LAMA1: variants seen among roughly 807,000 people sequenced by gnomAD.
LAMA1 encodes the protein laminin subunit alpha-1.
A neutral mutation model predicts 348.7 loss-of-function variants in LAMA1; 219 were observed. The ratio of observed to expected loss-of-function variants is 0.63; its 90% CI spans 0.56 to 0.70. The LOEUF is 0.70. LAMA1 is among the 30% of genes least tolerant of loss of function. LAMA1 has a pLI of 0.00. For missense variants in LAMA1, 3,744 were observed against 3,888.0 expected (o/e 0.96, Z 0.99); for synonymous variants, 1,487 against 1,491.0 (o/e 1.00, Z 0.06).
chr18:7,044,592 A>G (rs2058034264), intron 7 of LAMA1, 130 bp downstream of exon 7: 3 of 813,414 alleles, frequency 3.7e-6, no homozygotes, highest in Non-Finnish European at 6.6e-6. Context: ...GGTCATCTGC[A>G]GCTTTGGAAA....
At chr18:7,072,897 A>C (rs748021) in intron 3 of LAMA1, among the ~76,000 whole-genome samples, 20,748 of 151,948 alleles carry the variant, frequency 0.14, 4,662 homozygotes, top group African/African-American at 0.47. Flanking sequence ...GACTTCTCCC[A>C]TGTCTACTTC....
intron 22 of LAMA1, 113 bp downstream of exon 22, chr18:7,015,609 T>A: frequency 8.2e-7 from 1 of 1,223,010 alleles, no homozygotes; most frequent in Non-Finnish European, 1.2e-6. Context: ...TTTTTTAAAT[T>A]CACAAAGCTA....
chr18:6,956,263 C>T (rs2057576977), intron 56 of LAMA1: 1 of 311,318 alleles, frequency 3.2e-6, no homozygotes, highest in Admixed American at 4.5e-5. Flanking sequence ...TGAATTGAAT[C>T]TTTTTTTTTT....
intron 48 of LAMA1, among the ~76,000 whole-genome samples, chr18:6,968,421 C>A (rs2035159602): frequency 6.6e-6 from 1 of 152,172 alleles, no homozygotes; most frequent in South Asian, 2.1e-4. Flanking sequence ...GGCCCCTTGC[C>A]ACAGCCCATG....
rs150101130 is a variant in LAMA1, at chr18:7,100,887, G to A, written c.61+16773C>T. Among the ~76,000 whole-genome samples, 47 of 152,266 alleles carry A rather than the reference G, an allele frequency of 3.1e-4. No individual in the cohort carries two copies. In the East Asian group the frequency reaches 7.9e-3, roughly 26 times the overall value. On this transcript the variant is annotated intron_variant, in intron 1 of 62. Coordinates refer to ENST00000389658, the MANE Select transcript of LAMA1 (RefSeq NM_005559.4). ...TAGCCAGGGGTGGTGGCAGGTGCCT[G>A]TAATCCCAGCTACTCGGGAGTCTGA...
chr18:6,951,936 G>A (rs77509931), intron 57 of LAMA1, among the ~76,000 whole-genome samples: 2,724 of 152,306 alleles, frequency 0.018, 81 homozygotes, highest in African/African-American at 0.061. Flanking sequence ...GGAAGCCTGC[G>A]AATTCCATTC....
At position 6,977,719 on chromosome 18, in the gene LAMA1, A is replaced by C; in HGVS notation, c.6345+8T>G. 6.2e-7 allele frequency: 1 copy of C among 1,614,014 alleles called. No individual in the cohort carries two copies. The highest frequency in any genetic ancestry group is 8.5e-7 in the Non-Finnish European group (1 of 1,179,934). ...CCAGTTACGAAAGCCACGGGGCCCCAAACTCACAGAAGCTGCTTGTTTGCG... is the reference window on the plus strand; with the variant it reads ...CCAGTTACGAAAGCCACGGGGCCCCCAACTCACAGAAGCTGCTTGTTTGCG... On this transcript the variant is annotated splice_region_variant and intron_variant, in intron 44 of 62. Transcript: ENST00000389658.
chr18:6,981,175 T>G (rs1345271334), intron 41 of LAMA1, among the ~76,000 whole-genome samples: 2 of 152,200 alleles, frequency 1.3e-5, no homozygotes, highest in Non-Finnish European at 2.9e-5. Context: ...GCTTGTTGAC[T>G]TTTTCACTAA....
At chr18:7,084,073 A>AG (rs1491579216) in intron 1 of LAMA1, among the ~76,000 whole-genome samples, 6 of 101,582 alleles carry the variant, frequency 5.9e-5, no homozygotes, top group Admixed American at 1.1e-4. Context: ...ATTCTGTCTC[A>AG]GAAAAAAAAA....
At chr18:7,015,621 T>A (rs1600395007) in intron 22 of LAMA1, 101 bp downstream of exon 22, 1 of 1,369,370 alleles carries the variant, frequency 7.3e-7, no homozygotes, top group East Asian at 2.3e-5. Context: ...ACAAAGCTAT[T>A]CAACAGATTA....
chr18:6,979,490 A>T (rs1239400817), intron 42 of LAMA1, among the ~76,000 whole-genome samples: 1 of 152,246 alleles, frequency 6.6e-6, no homozygotes, highest in Non-Finnish European at 1.5e-5. Flanking sequence ...CAACATAGCA[A>T]GACACGGTCT....
intron 55 of LAMA1, among the ~76,000 whole-genome samples, chr18:6,958,175 A>G (rs1304735874): frequency 6.6e-6 from 1 of 152,152 alleles, no homozygotes; most frequent in East Asian, 1.9e-4. Context: ...ACATCACAAA[A>G]TCCCTATGTT....
chr18:6,979,422 C>G (rs987084308), intron 42 of LAMA1, among the ~76,000 whole-genome samples: 1 of 152,174 alleles, frequency 6.6e-6, no homozygotes, highest in Non-Finnish European at 1.5e-5. Context: ...AATCCCAGAA[C>G]TTTGGGAGAC....
intron 41 of LAMA1, 21 bp downstream of exon 41, chr18:6,982,476 C>A: frequency 1.2e-6 from 2 of 1,607,394 alleles, no homozygotes; most frequent in Non-Finnish European, 1.7e-6. Context: ...CCTGTCTACA[C>A]CGTCCGAGCC....
chr18:7,002,342 G>A lies in LAMA1; in HGVS notation c.4304C>T (p.Thr1435Ile). 2 of 1,613,826 alleles carry A rather than the reference G, an allele frequency of 1.2e-6. No individual in the cohort carries two copies. Among genetic ancestry groups the A allele is most frequent in the Admixed American group, 1.7e-5 (1 of 60,024 alleles). ...NTAGDHCDVCTSGYYGKVTGS... is the reference protein window; with the variant it reads ...NTAGDHCDVCISGYYGKVTGS... ...AGTCACCTTCCCGTAGTAGCCAGAA[G>A]TACACACATCACAATGGTCACCTGC... Residue 1435 changes from threonine (T) to isoleucine (I), a missense_variant, in exon 30 of 63, where the codon ACT becomes ATT. Thr to Ile is a moderately conservative substitution (Grantham distance 89). This residue lies in a region of LAMA1 where 1,983 missense variants were observed against 1,934.3 expected (regional missense o/e 1.03). Coordinates refer to ENST00000389658, the MANE Select transcript of LAMA1 (RefSeq NM_005559.4).
chr18:7,042,323 G>A (rs2058024084), intron 8 of LAMA1, 73 bp from the exon 9 acceptor site: 1 of 907,058 alleles, frequency 1.1e-6, no homozygotes, highest in Non-Finnish European at 1.8e-6. Flanking sequence ...TAAATAAGAA[G>A]GTATTGGCTT....
At chr18:7,101,052 T>A (rs1269972638) in intron 1 of LAMA1, among the ~76,000 whole-genome samples, 1 of 152,064 alleles carries the variant, frequency 6.6e-6, no homozygotes, top group African/African-American at 2.4e-5. Context: ...TTTGTATGAC[T>A]CCATGTATAT....
chr18:7,086,308 T>C (rs372890521), intron 1 of LAMA1, among the ~76,000 whole-genome samples: 2 of 152,326 alleles, frequency 1.3e-5, no homozygotes, highest in East Asian at 1.9e-4. Context: ...GCAAGAGAAA[T>C]GAGCAGGCAT....
chr18:7,011,977 T>C lies in LAMA1; in HGVS notation c.3507+18A>G, dbSNP rs554001294. The stretch of plus-strand genomic sequence containing the variant: ...GAGTGGGGTTAGAAGCAGAACACTT[T>C]CGCTGTGTGTGACTTACTGGGGTCC... On this transcript the variant is annotated intron_variant, in intron 24 of 62. Coordinates refer to ENST00000389658, the MANE Select transcript of LAMA1 (RefSeq NM_005559.4). The C allele has an allele frequency of 2.1e-5, 33 of 1,591,766 alleles. No homozygotes were observed. Among genetic ancestry groups the C allele is most frequent in the South Asian group, 6.8e-5 (6 of 88,230 alleles).
Sources: allele counts gnomAD v4.1 joint callset (sites outside exome capture counted in the v4.1 genomes callset), GRCh38; gene constraint gnomAD v4.1.1; regional missense constraint gnomAD v4.1.1; transcripts MANE v1.5; gene names NCBI Gene and HGNC (gene_info 2026-07-23, HGNC 2026-07-21).